The following DEPDC1B variants were observed in gnomAD, a reference collection of about 807,000 sequenced individuals.
DEPDC1B encodes DEP domain containing 1B.
A neutral mutation model predicts 66.5 loss-of-function variants in DEPDC1B; 51 were observed. The ratio of observed to expected loss-of-function variants is 0.77; its 90% CI spans 0.61 to 0.97. The LOEUF (loss-of-function observed/expected upper bound fraction) is 0.97. DEPDC1B is among the 50% of genes least tolerant of loss of function. DEPDC1B has a pLI of 0.00. For synonymous variants in DEPDC1B, 226 were observed against 223.6 expected (o/e 1.01, Z -0.10); for missense variants, 552 against 637.1 (o/e 0.87, Z 1.44).
intron 2 of DEPDC1B, among the ~76,000 whole-genome samples, chr5:60,662,445 T>C (rs921018874): frequency 2.6e-5 from 4 of 151,890 alleles, no homozygotes; most frequent in Middle Eastern, 6.9e-3. Context: ...AGAAACCCCA[T>C]TGAACTTGGC....
chr5:60,614,231 C>T (rs1026657796), intron 7 of DEPDC1B, among the ~76,000 whole-genome samples: 2 of 152,298 alleles, frequency 1.3e-5, no homozygotes, highest in South Asian at 2.1e-4. Context: ...GACTGTAGAG[C>T]GGTCATGCTC....
At chr5:60,642,150 T>C (rs935651398) in intron 6 of DEPDC1B, among the ~76,000 whole-genome samples, 2 of 152,294 alleles carry the variant, frequency 1.3e-5, no homozygotes, top group Admixed American at 6.5e-5. Flanking sequence ...ACAAAAGAAA[T>C]GAAAATGAAC....
At chr5:60,610,905 C>T (rs545537917) in intron 7 of DEPDC1B, among the ~76,000 whole-genome samples, 2 of 152,300 alleles carry the variant, frequency 1.3e-5, no homozygotes, top group South Asian at 4.1e-4. Context: ...ACTATCTTTG[C>T]AGTTGCCATT....
At chr5:60,688,844 C>G (rs1037950257) in intron 1 of DEPDC1B, 1 of 215,564 alleles carries the variant, frequency 4.6e-6, no homozygotes, top group African/African-American at 2.3e-5. Context: ...TGCTAAGAAA[C>G]AGCACACCAC....
At chr5:60,628,622 A>G (rs560478556) in intron 7 of DEPDC1B, 8 of 152,354 alleles carry the variant, frequency 5.3e-5, no homozygotes, top group Non-Finnish European at 1.0e-4. Context: ...ACACAGCAAG[A>G]GGAACTATTT....
At chr5:60,684,489 AT>A (rs1440536655) in intron 2 of DEPDC1B, among the ~76,000 whole-genome samples, 1 of 152,206 alleles carries the variant, frequency 6.6e-6, no homozygotes, top group Non-Finnish European at 1.5e-5. Flanking sequence ...AAGAACATAT[AT>A]TGGGGAAAGG....
chr5:60,681,797 T>TG lies in DEPDC1B; in HGVS notation c.314+5164_314+5165insC, dbSNP rs1754302304. ...TGATCTGAATTATAATTTTTTTTTT[T>TG]AAGAGACAAGGTCTCACTATGCTGC... is the stretch of plus-strand genomic sequence containing the variant. On this transcript the variant is annotated intron_variant, in intron 2 of 10. Coordinates refer to ENST00000265036, the MANE Select transcript of DEPDC1B (RefSeq NM_018369.3). Among the ~76,000 whole-genome samples the TG allele has an allele frequency of 2.0e-5, 3 of 151,810 alleles. No individual in the cohort carries two copies. In the South Asian group the frequency reaches 6.2e-4, roughly 32 times the overall value.
rs1021600191 is a variant in DEPDC1B at position 60,667,615 on chromosome 5, A to G, written c.314+19347T>C. On this transcript the variant is annotated intron_variant, in intron 2 of 10. Coordinates refer to ENST00000265036, the MANE Select transcript of DEPDC1B (RefSeq NM_018369.3). ...AAAAATGGATATTTTACATATATAT[A>G]AAAAATGGATATTTTACATATATGA... Among the ~76,000 whole-genome samples, 105 of 140,094 alleles carry G rather than the reference A, an allele frequency of 7.5e-4. 2 individuals are homozygous for G. Among genetic ancestry groups the G allele is most frequent in the African/African-American group, 1.7e-3 (61 of 35,510 alleles). The allele number at this position is 140,094 out of a possible 152,430, so 91.9% of individuals were successfully genotyped here.
In DEPDC1B at chr5:60,668,464, G is replaced by A. The variant is rs776368996; in HGVS notation, c.314+18498C>T. The stretch of plus-strand genomic sequence containing the variant: ...TAATTTTTGTATTTTTAGCAGAGTC[G>A]GGGTTTCATGATGTTGGCAAGGCTG... On this transcript the variant is annotated intron_variant, in intron 2 of 10. Coordinates refer to ENST00000265036, the MANE Select transcript of DEPDC1B (RefSeq NM_018369.3). 4.6e-5 allele frequency among the ~76,000 whole-genome samples: 7 copies of A among 151,108 alleles called. No homozygotes were observed. The South Asian group carries it at 1.0e-3, about 23-fold the overall frequency.
intron 7 of DEPDC1B, among the ~76,000 whole-genome samples, chr5:60,619,128 G>T (rs1212764587): frequency 1.3e-5 from 2 of 152,170 alleles, no homozygotes; most frequent in Non-Finnish European, 2.9e-5. Context: ...AGGTATTCAT[G>T]GGATGTATCT....
intron 8 of DEPDC1B, among the ~76,000 whole-genome samples, chr5:60,604,816 T>C (rs1349952445): frequency 2.6e-5 from 4 of 152,152 alleles, no homozygotes; most frequent in African/African-American, 7.2e-5. Flanking sequence ...AGAATAGATA[T>C]AAAGTTTTCT....
intron 2 of DEPDC1B, among the ~76,000 whole-genome samples, chr5:60,683,879 A>T (rs1754352942): frequency 6.6e-6 from 1 of 152,170 alleles, no homozygotes; most frequent in Admixed American, 6.6e-5. Context: ...CCACTAAAAA[A>T]TTCAGAACTG....
At chr5:60,673,411 C>T (rs902010251) in intron 2 of DEPDC1B, among the ~76,000 whole-genome samples, 5 of 151,964 alleles carry the variant, frequency 3.3e-5, no homozygotes, top group Non-Finnish European at 5.9e-5. Flanking sequence ...GGAGGAGGAG[C>T]GGGGGGCACT....
rs1165958790 is a variant in DEPDC1B at position 60,687,231 on chromosome 5, G to C, written c.49-4C>G. ...AAAGCTCCACGGTCTCATTCCACTA[G>C]GGGAAAGAAAGAGAATGGCATTTAG... On this transcript the variant is annotated splice_region_variant and splice_polypyrimidine_tract_variant and intron_variant, in intron 1 of 10. Coordinates refer to ENST00000265036, the MANE Select transcript of DEPDC1B (RefSeq NM_018369.3). 5 of 1,598,124 alleles carry C rather than the reference G, an allele frequency of 3.1e-6. No individual in the cohort carries two copies. Among genetic ancestry groups the C allele is most frequent in the African/African-American group, 2.7e-5 (2 of 74,526 alleles).
At chr5:60,667,571 GTGGATATTTTACATATATAAAAA>G (rs1753879211) in intron 2 of DEPDC1B, among the ~76,000 whole-genome samples, 22 of 128,534 alleles carry the variant, frequency 1.7e-4, no homozygotes, top group African/African-American at 5.8e-4. Flanking sequence ...ATATAAAAAA[GTGGATATTTTACATATATAAAAA>G]TGGATATTTT....
At chr5:60,698,885 CG>C (rs995304054) in intron 1 of DEPDC1B, among the ~76,000 whole-genome samples, 1 of 151,984 alleles carries the variant, frequency 6.6e-6, no homozygotes, top group African/African-American at 2.4e-5. Context: ...AGGCTGGTCT[CG>C]AACTCCTGAC....
chr5:60,618,419 G>A (rs543489054), intron 7 of DEPDC1B, among the ~76,000 whole-genome samples: 1 of 150,884 alleles, frequency 6.6e-6, no homozygotes, highest in South Asian at 2.1e-4. Flanking sequence ...AAAGAGAGAA[G>A]AATCAAATAG....
At chr5:60,666,150 G>A (rs901399981) in intron 2 of DEPDC1B, among the ~76,000 whole-genome samples, 3 of 152,188 alleles carry the variant, frequency 2.0e-5, no homozygotes, top group Non-Finnish European at 4.4e-5. Context: ...GGAGGGTGTT[G>A]GCTGTGCTTC....
intron 7 of DEPDC1B, among the ~76,000 whole-genome samples, chr5:60,634,588 T>C (rs969513458): frequency 6.7e-6 from 1 of 150,334 alleles, no homozygotes; most frequent in Admixed American, 6.6e-5. Flanking sequence ...AGGAGAATGG[T>C]GTGAACCCAG....
Sources: gnomAD v4.1 joint callset for allele counts (sites outside exome capture counted in the v4.1 genomes callset) on GRCh38, gnomAD v4.1.1 for gene constraint, MANE v1.5 for transcripts, NCBI Gene and HGNC (gene_info 2026-07-23, HGNC 2026-07-21) for gene names.